Variants in CLINT1 observed in about 807,000 individuals in gnomAD.
The protein encoded by CLINT1 is clathrin interacting protein localized in the trans-Golgi region.
A neutral mutation model predicts 70.4 loss-of-function variants in CLINT1; 15 were observed. The observed-to-expected ratio is 0.21, with a 90% CI of 0.14 to 0.33. The LOEUF (loss-of-function observed/expected upper bound fraction) is 0.33. Among genes scored for constraint, CLINT1 ranks in the 10% least tolerant of loss-of-function variants. The pLI is 1.00. For missense variants in CLINT1, 615 were observed against 778.1 expected (o/e 0.79, Z 2.49); for synonymous variants, 227 against 254.7 (o/e 0.89, Z 1.04).
At chr5:157,825,075 T>C (rs2113242526) in intron 1 of CLINT1, among the ~76,000 whole-genome samples, 1 of 152,246 alleles carries the variant, frequency 6.6e-6, no homozygotes. Context: ...ACCAGTTTGA[T>C]TAGGGAAAAA....
At chr5:157,840,320 G>C (rs1753130011) in intron 1 of CLINT1, among the ~76,000 whole-genome samples, 1 of 146,268 alleles carries the variant, frequency 6.8e-6, no homozygotes, top group African/African-American at 2.5e-5. Flanking sequence ...GAAAGGTTAA[G>C]AAACTCTTCA....
At position 157,787,050 on chromosome 5, in the gene CLINT1, A is replaced by G. The variant is rs1354515470; in HGVS notation, c.*596T>C. ...GTTTTGTTACAATAAAAATTTGGAT[A>G]GTATAATAGCAGTGTTGCTGGAACA... is the stretch of plus-strand genomic sequence containing the variant. On this transcript the variant is annotated 3_prime_UTR_variant, in exon 12 of 12. Coordinates refer to ENST00000411809, the MANE Select transcript of CLINT1 (RefSeq NM_014666.4). The G allele has an allele frequency of 1.3e-5, 2 of 152,706 alleles. No individual in the cohort carries two copies. Among genetic ancestry groups the G allele is most frequent in the East Asian group, 1.9e-4 (1 of 5,204 alleles). The allele number at this position is 152,706 out of a possible 1,614,324, so 9.5% of individuals were successfully genotyped here. A position where few individuals can be genotyped will look rare whatever the true frequency, so the allele number is the denominator to read the frequency against.
chr5:157,858,978 C>T lies in CLINT1; in HGVS notation c.-8G>A. The T allele has an allele frequency of 6.2e-7, 1 of 1,610,926 alleles. No homozygotes were observed. Among genetic ancestry groups the T allele is most frequent in the Non-Finnish European group, 8.5e-7 (1 of 1,178,708 alleles). ...CTTCCACATGTTCAACATCGTGCCCCGCGCGGGACGGTCCGCCGCCTCCCT... is the reference window on the plus strand; with the variant it reads ...CTTCCACATGTTCAACATCGTGCCCTGCGCGGGACGGTCCGCCGCCTCCCT... On this transcript the variant is annotated 5_prime_UTR_variant, in exon 1 of 12. Coordinates refer to ENST00000411809, the MANE Select transcript of CLINT1 (RefSeq NM_014666.4).
chr5:157,816,861 C>A (rs1350196025), intron 2 of CLINT1, 31 bp from the exon 3 acceptor site: 3 of 1,490,906 alleles, frequency 2.0e-6, no homozygotes, highest in South Asian at 1.2e-5. Context: ...TAAGAGTCTG[C>A]AATATATTAA....
intron 1 of CLINT1, among the ~76,000 whole-genome samples, chr5:157,857,798 A>G (rs1753805531): frequency 6.6e-6 from 1 of 152,214 alleles, no homozygotes; most frequent in Admixed American, 6.5e-5. Flanking sequence ...ATATAAAAAT[A>G]TGGTCAAGCT....
At chr5:157,836,299 A>G (rs1763420790) in intron 1 of CLINT1, among the ~76,000 whole-genome samples, 1 of 152,224 alleles carries the variant, frequency 6.6e-6, no homozygotes, top group Non-Finnish European at 1.5e-5. Context: ...CAGATGAGAA[A>G]ACTGAGGCAC....
rs555775649 is a variant in CLINT1, at chr5:157,851,795, TC to T, written c.41+7134del. Among the ~76,000 whole-genome samples the T allele has an allele frequency of 5.1e-3, 768 of 151,968 alleles. 8 individuals carry two copies. The highest frequency in any genetic ancestry group is 0.017 in the African/African-American group (704 of 41,440). ...CACTGTTGCACATTAACAAAATCAC[TC>T]ACATTTAATAATTCGTTAGCTAAAT... On this transcript the variant is annotated intron_variant, in intron 1 of 11. Transcript: ENST00000411809.
intron 1 of CLINT1, among the ~76,000 whole-genome samples, chr5:157,824,561 A>G (rs1762974629): frequency 6.6e-6 from 1 of 152,232 alleles, no homozygotes; most frequent in South Asian, 2.1e-4. Flanking sequence ...GTCTTAACAC[A>G]AGCGACAACA....
In CLINT1 at chr5:157,820,504, A is replaced by C. The variant is rs148356782; in HGVS notation, c.42-2957T>G. Among the ~76,000 whole-genome samples, 1,091 of 152,360 alleles carry C rather than the reference A, an allele frequency of 7.2e-3. 5 individuals are homozygous for C. The highest frequency in any genetic ancestry group is 0.024 in the Middle Eastern group (7 of 294). ...CTCAAGATGAGATTTGATGGCATAA[A>C]GAATTCCAAGACAAAGTATTTTAAG... On this transcript the variant is annotated intron_variant, in intron 1 of 11. Transcript: ENST00000411809.
At chr5:157,839,598 C>A (rs1763549890) in intron 1 of CLINT1, among the ~76,000 whole-genome samples, 1 of 147,308 alleles carries the variant, frequency 6.8e-6, no homozygotes, top group Non-Finnish European at 1.5e-5. Context: ...GAGACTCAGT[C>A]TTAAATAAAA....
chr5:157,857,010 T>C (rs1221077393), intron 1 of CLINT1, among the ~76,000 whole-genome samples: 1 of 152,228 alleles, frequency 6.6e-6, no homozygotes, highest in Non-Finnish European at 1.5e-5. Context: ...CTTCAAATTT[T>C]TGAGTACCAC....
intron 9 of CLINT1, among the ~76,000 whole-genome samples, chr5:157,793,420 G>A (rs1060740): frequency 0.13 from 20,347 of 152,002 alleles, 1,790 homozygotes; most frequent in African/African-American, 0.25. Context: ...AATCGTGGGA[G>A]GAAACGATTT....
At chr5:157,827,209 T>C (rs1763066226) in intron 1 of CLINT1, among the ~76,000 whole-genome samples, 1 of 152,094 alleles carries the variant, frequency 6.6e-6, no homozygotes, top group Non-Finnish European at 1.5e-5. Flanking sequence ...GATTACCTAA[T>C]ACGAATAATC....
intron 1 of CLINT1, among the ~76,000 whole-genome samples, chr5:157,855,646 C>T (rs1457950587): frequency 6.6e-6 from 1 of 152,170 alleles, no homozygotes; most frequent in African/African-American, 2.4e-5. Context: ...CAGAAAAAGT[C>T]TTCAAGGTCT....
intron 1 of CLINT1, among the ~76,000 whole-genome samples, chr5:157,850,021 G>GT (rs1027001839): frequency 6.6e-6 from 1 of 152,200 alleles, no homozygotes; most frequent in Non-Finnish European, 1.5e-5. Flanking sequence ...AGTGACGAGT[G>GT]TGAGTGCATA....
At chr5:157,840,146 G>A (rs1444043241) in intron 1 of CLINT1, among the ~76,000 whole-genome samples, 4 of 124,704 alleles carry the variant, frequency 3.2e-5, no homozygotes, top group Non-Finnish European at 6.4e-5. Context: ...AGTAAGCAGA[G>A]ATTGTGCCAC....
chr5:157,848,806 C>T (rs186119108), intron 1 of CLINT1, among the ~76,000 whole-genome samples: 70 of 152,220 alleles, frequency 4.6e-4, no homozygotes, highest in Admixed American at 3.9e-3. Flanking sequence ...GGATCACAGG[C>T]GCCCGCCACC....
At chr5:157,794,998 T>C in intron 8 of CLINT1, 26 bp from the exon 9 acceptor site, 3 of 1,526,428 alleles carry the variant, frequency 2.0e-6, no homozygotes, top group Non-Finnish European at 2.7e-6. Flanking sequence ...AAGTTAAAAC[T>C]GTTAGAACTA....
intron 8 of CLINT1, among the ~76,000 whole-genome samples, chr5:157,796,619 C>A (rs1273663515): frequency 6.6e-6 from 1 of 152,168 alleles, no homozygotes; most frequent in Non-Finnish European, 1.5e-5. Context: ...TCAAACACCA[C>A]CAGGGACAGC....
Sources: allele counts gnomAD v4.1 joint callset (sites outside exome capture counted in the v4.1 genomes callset), GRCh38; gene constraint gnomAD v4.1.1; transcripts MANE v1.5; gene names NCBI Gene and HGNC (gene_info 2026-07-23, HGNC 2026-07-21).